AGFG2: variants seen among roughly 807,000 people sequenced by gnomAD.
AGFG2 encodes the protein arf-GAP domain and FG repeat-containing protein 2.
In AGFG2, 31 loss-of-function variants were observed where a neutral mutation model predicts 48.0. The observed-to-expected ratio is 0.65, with a 90% confidence interval of 0.49 to 0.87. The LOEUF (loss-of-function observed/expected upper bound fraction) is 0.87, where lower values mean the gene tolerates loss of function less well. AGFG2 is among the 40% of genes least tolerant of loss of function. The pLI is 0.00. For synonymous variants in AGFG2, 229 were observed against 260.8 expected (o/e 0.88, Z 1.18); for missense variants, 599 against 632.6 (o/e 0.95, Z 0.57).
At chr7:100,564,023 A>G in intron 10 of AGFG2, 61 bp downstream of exon 10, 2 of 1,588,102 alleles carry the variant, frequency 1.3e-6, no homozygotes. Context: ...GAGATCAGTT[A>G]GTTGTTCCTC....
chr7:100,547,263 A>G (rs1323146174), intron 1 of AGFG2, among the ~76,000 whole-genome samples: 1 of 150,626 alleles, frequency 6.6e-6, no homozygotes. Flanking sequence ...GTTAGTGTGA[A>G]TGTATGTTTT....
chr7:100,555,802 CCATT>C lies in AGFG2; in HGVS notation c.877+71_877+74del, dbSNP rs536015243. 2,357 of 1,583,508 alleles carry C rather than the reference CCATT, an allele frequency of 1.5e-3. 2 individuals carry two copies. The highest frequency in any genetic ancestry group is 1.7e-3 in the Non-Finnish European group (1,988 of 1,159,908). On this transcript the variant is annotated intron_variant, in intron 6 of 11. Transcript: ENST00000300176. ...TCCATTTGTTCATGTCTATAAATCA[CCATT>C]CATATCCTCACTATCCTAAAGAACT...
chr7:100,551,447 T>C (rs1790504942), intron 3 of AGFG2, among the ~76,000 whole-genome samples: 1 of 150,236 alleles, frequency 6.7e-6, no homozygotes, highest in Admixed American at 6.6e-5. Context: ...TCAAATGATC[T>C]GCCTGCCTTG....
chr7:100,561,876 A>G (rs139939822), intron 6 of AGFG2, among the ~76,000 whole-genome samples: 1 of 152,014 alleles, frequency 6.6e-6, no homozygotes, highest in African/African-American at 2.4e-5. Flanking sequence ...CCTCCCTGCC[A>G]TGTTCTGATA....
chr7:100,539,298 C>A lies in AGFG2; in HGVS notation c.-49C>A. The A allele has an allele frequency of 7.9e-7, 1 of 1,268,758 alleles. No homozygotes were observed. The highest frequency in any genetic ancestry group is 1.0e-6 in the Non-Finnish European group (1 of 1,003,680). The allele number at this position is 1,268,758 out of a possible 1,614,324, so 78.6% of individuals were successfully genotyped here. A position where few individuals can be genotyped will look rare whatever the true frequency, so the allele number is the denominator to read the frequency against. ...GGCGGCTGAGGAGGCGGGAAGGCGG[C>A]AGTGGTTGAAGGGGTGATTGCTGAC... On this transcript the variant is annotated 5_prime_UTR_variant, in exon 1 of 12. Coordinates refer to ENST00000300176, the MANE Select transcript of AGFG2 (RefSeq NM_006076.5).
At chr7:100,561,324 A>G (rs1451740287) in intron 6 of AGFG2, among the ~76,000 whole-genome samples, 3 of 152,068 alleles carry the variant, frequency 2.0e-5, no homozygotes, top group Non-Finnish European at 4.4e-5. Context: ...ACAGGGTTTC[A>G]CCATGTTGGC....
intron 2 of AGFG2, among the ~76,000 whole-genome samples, chr7:100,549,460 T>C (rs1216644611): frequency 2.6e-5 from 4 of 152,200 alleles, no homozygotes; most frequent in Non-Finnish European, 5.9e-5. Flanking sequence ...CTGAAAATTG[T>C]CCTGGACCCT....
At chr7:100,541,276 T>A (rs1183511426) in intron 1 of AGFG2, among the ~76,000 whole-genome samples, 1 of 152,208 alleles carries the variant, frequency 6.6e-6, no homozygotes, top group Non-Finnish European at 1.5e-5. Context: ...GCTAAACTTC[T>A]CTCTGGGTTC....
At chr7:100,558,314 A>C (rs1800796982) in intron 6 of AGFG2, among the ~76,000 whole-genome samples, 1 of 152,344 alleles carries the variant, frequency 6.6e-6, no homozygotes, top group South Asian at 2.1e-4. Flanking sequence ...CAAAATTTTT[A>C]GATTGATAAT....
intron 6 of AGFG2, among the ~76,000 whole-genome samples, chr7:100,561,214 C>G (rs557513063): frequency 3.3e-5 from 5 of 151,338 alleles, no homozygotes; most frequent in Admixed American, 1.3e-4. Flanking sequence ...GCAACCTCCA[C>G]TTCCCGGGTT....
intron 11 of AGFG2, 41 bp from the exon 12 acceptor site, chr7:100,564,891 C>A (rs762749261): frequency 1.2e-6 from 2 of 1,602,878 alleles, no homozygotes; most frequent in Admixed American, 1.7e-5. Context: ...GCTTCCAGTT[C>A]CTCTCCCCTA....
Position 100,562,565 on chromosome 7 carries a change from T to C in AGFG2, c.999-29T>C. 6.2e-7 allele frequency: 1 copy of C among 1,613,368 alleles called. No homozygotes were observed. The highest frequency in any genetic ancestry group is 1.1e-5 in the South Asian group (1 of 91,044). On this transcript the variant is annotated intron_variant, in intron 7 of 11. Transcript: ENST00000300176. The surrounding 1 kb of genome is among the most constrained non-coding windows in gnomAD (Gnocchi z 5.4). ...CAGGTTTGATTGGCCCTGGCAGCTG[T>C]GTATGACTTCTCTCTCCCCGTGTTG...
chr7:100,548,893 T>C lies in AGFG2; in HGVS notation c.293T>C (p.Phe98Ser). ...ACTTTCACTGAGCCTGAAGTAGTAT[T>C]CCTGCAATCCCGTGGAAATGAGGTG... is the stretch of plus-strand genomic sequence containing the variant. The part of the protein sequence containing the change: ...MTTFTEPEVV[F>S]LQSRGNEVCR... The change falls in exon 2 of 12, where the codon TTC becomes TCC. Residue 98 changes from phenylalanine (F) to serine (S), a missense_variant. Transcript: ENST00000300176. 1 of 1,613,760 alleles carries C rather than the reference T, an allele frequency of 6.2e-7. No homozygotes were observed. The highest frequency in any genetic ancestry group is 8.5e-7 in the Non-Finnish European group (1 of 1,179,770).
rs1800971473 is a variant in AGFG2, at chr7:100,564,944, T to A, written c.1399T>A (p.Ser467Thr). 6.2e-7 allele frequency: 1 copy of A among 1,614,020 alleles called. No homozygotes were observed. Among genetic ancestry groups the A allele is most frequent in the Non-Finnish European group, 8.5e-7 (1 of 1,180,006 alleles). Residue 467 changes from serine (S) to threonine (T), a missense_variant, in exon 12 of 12, where the codon TCA (serine) becomes ACA (threonine). Transcript: ENST00000300176. ...STNPFMTGPSSSPFASKPPTT... is the reference protein window; with the variant it reads ...STNPFMTGPSTSPFASKPPTT... ...TCTTTCTTTCCAGACTGGACCCTCATCAAGCCCATTCGCCTCCAAACCTCC... is the reference window on the plus strand; with the variant it reads ...TCTTTCTTTCCAGACTGGACCCTCAACAAGCCCATTCGCCTCCAAACCTCC...
In AGFG2 at chr7:100,558,071, G is replaced by A. The variant is rs564811417; in HGVS notation, c.877+2336G>A. On this transcript the variant is annotated intron_variant, in intron 6 of 11. Coordinates refer to ENST00000300176, the MANE Select transcript of AGFG2 (RefSeq NM_006076.5). The stretch of plus-strand genomic sequence containing the variant: ...TCTGCTAAAAATACAAATATTAGCC[G>A]GGCATGGTGGCAGGCGCCTGTAATA... 5.3e-5 allele frequency among the ~76,000 whole-genome samples: 8 copies of A among 152,032 alleles called. No homozygotes were observed. In the East Asian group the frequency reaches 7.8e-4, roughly 15 times the overall value.
chr7:100,562,398 C>T lies in AGFG2; in HGVS notation c.998+19C>T, dbSNP rs769367714. On this transcript the variant is annotated intron_variant, in intron 7 of 11. Coordinates refer to ENST00000300176, the MANE Select transcript of AGFG2 (RefSeq NM_006076.5). The surrounding 1 kb of genome is among the most constrained non-coding windows in gnomAD (Gnocchi z 5.4). ...CTAGCAGGTAGGTACAGACAGTGGG[C>T]AGTCTGCTGTAGGGCAGGAGAGCCG... The T allele has an allele frequency of 6.2e-7, 1 of 1,612,594 alleles. No individual in the cohort carries two copies. The highest frequency in any genetic ancestry group is 8.5e-7 in the Non-Finnish European group (1 of 1,179,280).
chr7:100,545,630 C>T (rs1341373559), intron 1 of AGFG2, among the ~76,000 whole-genome samples: 1 of 152,178 alleles, frequency 6.6e-6, no homozygotes, highest in Non-Finnish European at 1.5e-5. Flanking sequence ...CTCTGTTCCT[C>T]CCCAGCACTT....
chr7:100,543,674 A>G (rs1435281335), intron 1 of AGFG2, among the ~76,000 whole-genome samples: 1 of 152,004 alleles, frequency 6.6e-6, no homozygotes, highest in East Asian at 1.9e-4. Context: ...GGTGGGTATG[A>G]CTCTGCCTGC....
chr7:100,540,936 C>G (rs576281830), intron 1 of AGFG2, among the ~76,000 whole-genome samples: 1 of 148,238 alleles, frequency 6.7e-6, no homozygotes, highest in Non-Finnish European at 1.5e-5. Flanking sequence ...CACTTGAACC[C>G]GGGAGGTGGA....
Sources: allele counts gnomAD v4.1 joint callset (sites outside exome capture counted in the v4.1 genomes callset), GRCh38; gene constraint gnomAD v4.1.1; non-coding constraint Gnocchi (gnomAD v3.1); transcripts MANE v1.5; gene names NCBI Gene and HGNC (gene_info 2026-07-23, HGNC 2026-07-21).